The following EYS variants were observed in gnomAD, a reference collection of about 807,000 sequenced individuals.
The protein encoded by EYS is protein eyes shut homolog.
Under a neutral mutation model 282.1 loss-of-function variants are expected in EYS, and 250 were observed. That is an observed-to-expected ratio of 0.89 (90% CI 0.80 to 0.98). The LOEUF (loss-of-function observed/expected upper bound fraction) is 0.98. Among genes scored for constraint, EYS ranks in the 50% least tolerant of loss-of-function variants. The pLI is 0.00. For synonymous variants in EYS, 1,355 were observed against 1,282.9 expected (o/e 1.06, Z -1.20); for missense variants, 4,016 against 3,709.0 (o/e 1.08, Z -2.15).
In EYS at chr6:65,518,619, G is replaced by T. The variant is rs548997995; in HGVS notation, c.-332-22626C>A. The stretch of plus-strand genomic sequence containing the variant: ...AAATTAGAATATAAACCCCATGAGG[G>T]CAAAAGTTATTGTCTTTTCTTGTTC... On this transcript the variant is annotated intron_variant, in intron 2 of 42. Coordinates refer to ENST00000503581, the MANE Select transcript of EYS (RefSeq NM_001142800.2). Among the ~76,000 whole-genome samples, 245 of 152,150 alleles carry T rather than the reference G, an allele frequency of 1.6e-3. 2 individuals are homozygous for T. The highest frequency in any genetic ancestry group is 6.8e-3 in the Middle Eastern group (2 of 294).
chr6:63,877,484 G>A (rs867166303), intron 35 of EYS, among the ~76,000 whole-genome samples: 34 of 152,206 alleles, frequency 2.2e-4, no homozygotes, highest in Middle Eastern at 6.8e-3. Context: ...TCTTTGTGGC[G>A]TTCTCTGTAT....
At chr6:64,000,932 T>G (rs1768069182) in intron 33 of EYS, among the ~76,000 whole-genome samples, 1 of 152,070 alleles carries the variant, frequency 6.6e-6, no homozygotes, top group Admixed American at 6.5e-5. Context: ...GTGCTCTTTC[T>G]CAGACAAGAT....
chr6:65,452,047 C>T (rs1384183871), intron 5 of EYS, among the ~76,000 whole-genome samples: 1 of 151,430 alleles, frequency 6.6e-6, no homozygotes, highest in African/African-American at 2.4e-5. Context: ...TGCTTAAATG[C>T]AACTATTAGT....
intron 31 of EYS, among the ~76,000 whole-genome samples, chr6:64,215,990 C>T (rs1765916323): frequency 1.3e-5 from 2 of 151,872 alleles, no homozygotes; most frequent in South Asian, 2.1e-4. Context: ...GGACATGACA[C>T]AAGAAGACAT....
chr6:65,120,356 G>C (rs1179017758), intron 12 of EYS, among the ~76,000 whole-genome samples: 2 of 149,388 alleles, frequency 1.3e-5, no homozygotes, highest in African/African-American at 5.0e-5. Context: ...CTTCCTCTGC[G>C]GCCTTCTTAA....
At chr6:65,285,050 C>T (rs1231912237) in intron 12 of EYS, among the ~76,000 whole-genome samples, 8 of 151,338 alleles carry the variant, frequency 5.3e-5, no homozygotes, top group Non-Finnish European at 1.0e-4. Flanking sequence ...TAAAGGTCTT[C>T]CCTGAAAAAA....
At chr6:63,913,005 A>G (rs967639161) in intron 35 of EYS, among the ~76,000 whole-genome samples, 15 of 152,326 alleles carry the variant, frequency 9.8e-5, no homozygotes, top group African/African-American at 3.6e-4. Flanking sequence ...GTGTTAGACG[A>G]CACAGTTCTA....
In EYS at chr6:64,561,669, T is replaced by A. The variant is rs181199086; in HGVS notation, c.5644+28554A>T. ...TGAGAATTACAAAAGGCTGTTCAAA[T>A]AAATCTGAGAAGACACAAATGGAAA... On this transcript the variant is annotated intron_variant, in intron 26 of 42. Coordinates refer to ENST00000503581, the MANE Select transcript of EYS (RefSeq NM_001142800.2). Among the ~76,000 whole-genome samples the A allele has an allele frequency of 3.3e-5, 5 of 151,946 alleles. No individual in the cohort carries two copies. In the East Asian group the frequency reaches 9.7e-4, roughly 29 times the overall value.
At chr6:63,946,527 G>A (rs561684008) in intron 35 of EYS, among the ~76,000 whole-genome samples, 20 of 151,904 alleles carry the variant, frequency 1.3e-4, no homozygotes, top group Non-Finnish European at 2.6e-4. Context: ...TTATATAGGA[G>A]GTCTTACGCT....
chr6:64,006,267 T>C (rs1768342930), intron 33 of EYS, among the ~76,000 whole-genome samples: 1 of 152,170 alleles, frequency 6.6e-6, no homozygotes, highest in Non-Finnish European at 1.5e-5. Context: ...GGCTTTCAGC[T>C]TGGATGTTTT....
At chr6:64,574,360 C>G (rs185328487) in intron 26 of EYS, among the ~76,000 whole-genome samples, 9 of 152,248 alleles carry the variant, frequency 5.9e-5, no homozygotes, top group Admixed American at 2.0e-4. Context: ...ACCACCACAG[C>G]ACTTGTATAC....
intron 35 of EYS, among the ~76,000 whole-genome samples, chr6:63,930,142 A>C (rs1223607813): frequency 2.6e-5 from 4 of 152,174 alleles, no homozygotes; most frequent in African/African-American, 7.2e-5. Flanking sequence ...CCATAAAGAA[A>C]TAATAAGTAT....
intron 28 of EYS, among the ~76,000 whole-genome samples, chr6:64,415,661 A>C (rs1438627499): frequency 6.6e-6 from 1 of 152,154 alleles, no homozygotes; most frequent in African/African-American, 2.4e-5. Context: ...CCATTATTTT[A>C]AGCTGCAAAG....
intron 33 of EYS, among the ~76,000 whole-genome samples, chr6:64,010,134 T>G (rs894832295): frequency 6.6e-6 from 1 of 152,132 alleles, no homozygotes; most frequent in African/African-American, 2.4e-5. Flanking sequence ...CTGGCAGGGC[T>G]GAGATATTTC....
chr6:64,450,415 T>A (rs1040187612), intron 26 of EYS, among the ~76,000 whole-genome samples: 16 of 152,158 alleles, frequency 1.1e-4, no homozygotes, highest in Non-Finnish European at 2.1e-4. Flanking sequence ...AATGGGAGAC[T>A]TTAACACCCC....
At chr6:65,603,081 T>C (rs1016644328) in intron 2 of EYS, among the ~76,000 whole-genome samples, 4 of 151,970 alleles carry the variant, frequency 2.6e-5, no homozygotes, top group African/African-American at 7.2e-5. Context: ...AATCTTCTTT[T>C]CCATTCCTGT....
At chr6:64,706,520 A>G (rs1771023481) in intron 22 of EYS, among the ~76,000 whole-genome samples, 1 of 152,200 alleles carries the variant, frequency 6.6e-6, no homozygotes, top group African/African-American at 2.4e-5. Context: ...TAGACTAAAT[A>G]GACAACTCAC....
chr6:64,615,610 T>C (rs538205980), intron 24 of EYS, among the ~76,000 whole-genome samples: 3 of 152,240 alleles, frequency 2.0e-5, no homozygotes, highest in Non-Finnish European at 4.4e-5. Context: ...GAATAACATT[T>C]CAATGTTAAA....
chr6:64,515,481 C>T (rs550201165), intron 26 of EYS, among the ~76,000 whole-genome samples: 4 of 151,078 alleles, frequency 2.6e-5, no homozygotes, highest in Admixed American at 2.0e-4. Flanking sequence ...CTATTAAAAC[C>T]TTATGATCTC....
Sources: allele counts gnomAD v4.1 joint callset (sites outside exome capture counted in the v4.1 genomes callset), GRCh38; gene constraint gnomAD v4.1.1; transcripts MANE v1.5; gene names NCBI Gene and HGNC (gene_info 2026-07-23, HGNC 2026-07-21).